KCNQ1: variants seen among roughly 807,000 people sequenced by gnomAD.
KCNQ1 encodes potassium voltage-gated channel subfamily KQT member 1.
In KCNQ1, 49 loss-of-function variants were observed where a neutral mutation model predicts 72.4. The observed-to-expected ratio is 0.68, with a 90% confidence interval of 0.54 to 0.86. The LOEUF (loss-of-function observed/expected upper bound fraction) is 0.86. Among genes scored for constraint, KCNQ1 ranks in the 40% least tolerant of loss-of-function variants. The probability of loss-of-function intolerance (pLI) is 0.00; values close to 1 mark genes in which losing one functional copy is unlikely to be tolerated. For synonymous variants in KCNQ1, 450 were observed against 412.6 expected (o/e 1.09, Z -1.10); for missense variants, 790 against 945.1 (o/e 0.84, Z 2.15).
At chr11:2,699,748 C>T (rs1469278410) in intron 11 of KCNQ1, 4 of 396,124 alleles carry the variant, frequency 1.0e-5, no homozygotes, top group Non-Finnish European at 4.4e-6. Flanking sequence ...CGAGGAGCCC[C>T]CAGAAGAGCG....
At position 2,735,148 on chromosome 11, in the gene KCNQ1, C is replaced by T. The variant is rs1243019014; in HGVS notation, c.1515-33696C>T. On this transcript the variant is annotated intron_variant, in intron 11 of 15. Transcript: ENST00000155840. This position sits in a 1 kb window ranked among gnomAD's most constrained non-coding sequence, Gnocchi z 7.7. ...TAAAACGTGTGAAACCTGACAGCAG[C>T]GCCGCAGCAGGACAGGGAGGGACTG... is the stretch of plus-strand genomic sequence containing the variant. Among the ~76,000 whole-genome samples, 10 of 152,134 alleles carry T rather than the reference C, an allele frequency of 6.6e-5. No homozygotes were observed. The highest frequency in any genetic ancestry group is 9.7e-5 in the African/African-American group (4 of 41,418).
At position 2,676,389 on chromosome 11, in the gene KCNQ1, G is replaced by A. The variant is rs1401342483; in HGVS notation, c.1514+14308G>A. 2 of 398,540 alleles carry A rather than the reference G, an allele frequency of 5.0e-6. No homozygotes were observed. Among genetic ancestry groups the A allele is most frequent in the African/African-American group, 4.1e-5 (2 of 48,642 alleles). The allele number at this position is 398,540 out of a possible 1,614,324, so 24.7% of individuals were successfully genotyped here. ...TATAATTGGAAGGAGCATAGTCTCT[G>A]TGTTCAGCTAGAGATTTAGCCCAAT... On this transcript the variant is annotated intron_variant, in intron 11 of 15. Coordinates refer to ENST00000155840, the MANE Select transcript of KCNQ1 (RefSeq NM_000218.3). This position sits in a 1 kb window ranked among gnomAD's most constrained non-coding sequence, Gnocchi z 4.2.
At chr11:2,587,366 T>C (rs535209582) in intron 8 of KCNQ1, among the ~76,000 whole-genome samples, 71 of 152,306 alleles carry the variant, frequency 4.7e-4, no homozygotes, top group Non-Finnish European at 9.4e-4. Context: ...AGCTGCCTGG[T>C]GCAGCAAGGG....
rs533650374 is a variant in KCNQ1, at chr11:2,776,566, A to G, written c.1686-420A>G. Reference sequence around the variant, plus strand: ...AATGTGTTCCCATGGAGCTAGCACCATCCTCCCGGGCCTGCACAGACTCAG... The same window carrying G: ...AATGTGTTCCCATGGAGCTAGCACCGTCCTCCCGGGCCTGCACAGACTCAG... On this transcript the variant is annotated intron_variant, in intron 13 of 15. Transcript: ENST00000155840. Among the ~76,000 whole-genome samples, 11 of 152,240 alleles carry G rather than the reference A, an allele frequency of 7.2e-5. 1 individual carries two copies. The East Asian group carries it at 1.7e-3, about 24-fold the overall frequency.
chr11:2,685,515 C>T (rs542013800), intron 11 of KCNQ1: 6 of 398,752 alleles, frequency 1.5e-5, no homozygotes, highest in East Asian at 1.1e-4. Context: ...AGACAGGAGA[C>T]GCTAGTCCTA....
At chr11:2,700,042 T>A in intron 11 of KCNQ1, 1 of 398,086 alleles carries the variant, frequency 2.5e-6, no homozygotes, top group Admixed American at 4.4e-5. Flanking sequence ...GCTGCCGACG[T>A]GGCGACCGCC....
At chr11:2,586,439 G>T (rs766079605) in intron 8 of KCNQ1, among the ~76,000 whole-genome samples, 1 of 152,220 alleles carries the variant, frequency 6.6e-6, no homozygotes, top group Admixed American at 6.5e-5. Context: ...CCCAGCATGA[G>T]CATGCTGGCC....
At chr11:2,743,092 T>A (rs904194176) in intron 11 of KCNQ1, among the ~76,000 whole-genome samples, 8 of 152,200 alleles carry the variant, frequency 5.3e-5, no homozygotes, top group Admixed American at 2.6e-4. Context: ...CAGGCTTTGA[T>A]GAACATTAGA....
Position 2,711,084 on chromosome 11 carries a change from A to G in KCNQ1, c.1514+49003A>G, listed in dbSNP as rs1564867488. Among the ~76,000 whole-genome samples, 1 of 152,226 alleles carries G rather than the reference A, an allele frequency of 6.6e-6. No individual in the cohort carries two copies. Among genetic ancestry groups the G allele is most frequent in the African/African-American group, 2.4e-5 (1 of 41,456 alleles). On this transcript the variant is annotated intron_variant, in intron 11 of 15. Transcript: ENST00000155840. This position sits in a 1 kb window ranked among gnomAD's most constrained non-coding sequence, Gnocchi z 5.4. ...CTTGGGGAGTATTGCCATCTTAACA[A>G]TGTGTTAAGTCTTCCAATCCAAGAG...
At chr11:2,798,497 A>G (rs1449833761) in intron 15 of KCNQ1, among the ~76,000 whole-genome samples, 1 of 152,098 alleles carries the variant, frequency 6.6e-6, no homozygotes, top group Non-Finnish European at 1.5e-5. Flanking sequence ...CAGCAGCAGC[A>G]GACGTTTTTA....
At chr11:2,789,460 C>T (rs993628609) in intron 15 of KCNQ1, among the ~76,000 whole-genome samples, 3 of 152,198 alleles carry the variant, frequency 2.0e-5, no homozygotes, top group African/African-American at 4.8e-5. Flanking sequence ...TGAGACACCT[C>T]GACGCCGCAG....
chr11:2,496,354 G>A (rs1325293080), intron 1 of KCNQ1, among the ~76,000 whole-genome samples: 3 of 151,850 alleles, frequency 2.0e-5, no homozygotes, highest in Admixed American at 6.6e-5. Flanking sequence ...GGAGAATGGC[G>A]TGAACCCGGG....
In KCNQ1 at chr11:2,478,547, G is replaced by C. The variant is rs1051406821; in HGVS notation, c.386+33063G>C. ...TCCCCTTATAAAACCATCAGATCTC[G>C]TGAGACTTATTCATTACCATGAGAA... On this transcript the variant is annotated intron_variant, in intron 1 of 15. Coordinates refer to ENST00000155840, the MANE Select transcript of KCNQ1 (RefSeq NM_000218.3). This position sits in a 1 kb window ranked among gnomAD's most constrained non-coding sequence, Gnocchi z 4.0. Among the ~76,000 whole-genome samples the C allele has an allele frequency of 3.3e-5, 5 of 152,088 alleles. No individual in the cohort carries two copies. Among genetic ancestry groups the C allele is most frequent in the Admixed American group, 2.6e-4 (4 of 15,286 alleles).
In KCNQ1 at chr11:2,769,582, C is replaced by T. The variant is rs1846556932; in HGVS notation, c.1590+663C>T. 6.6e-6 allele frequency among the ~76,000 whole-genome samples: 1 copy of T among 152,244 alleles called. No homozygotes were observed. The highest frequency in any genetic ancestry group is 2.4e-5 in the African/African-American group (1 of 41,468). ...TGCCATTGATGGCAGGCATGTCTCC[C>T]CTCCTGCCTTGGGGACATTCCTCGG... is the stretch of plus-strand genomic sequence containing the variant. On this transcript the variant is annotated intron_variant, in intron 12 of 15. Transcript: ENST00000155840. The surrounding 1 kb of genome is among the most constrained non-coding windows in gnomAD (Gnocchi z 4.6).
intron 10 of KCNQ1, chr11:2,650,560 G>T (rs1331746004): frequency 7.5e-6 from 3 of 398,556 alleles, no homozygotes; most frequent in Non-Finnish European, 1.3e-5. Flanking sequence ...GGCTTAGGCT[G>T]CTTGGTGCTT....
chr11:2,755,985 C>T (rs1173106237), intron 11 of KCNQ1, among the ~76,000 whole-genome samples: 4 of 152,172 alleles, frequency 2.6e-5, no homozygotes, highest in Admixed American at 2.6e-4. Flanking sequence ...TTTACAGAAA[C>T]CATTTACACC....
At chr11:2,755,303 T>C (rs1354848763) in intron 11 of KCNQ1, among the ~76,000 whole-genome samples, 1 of 152,150 alleles carries the variant, frequency 6.6e-6, no homozygotes, top group East Asian at 1.9e-4. Context: ...CGGGTTGGAG[T>C]GCACTGGCGC....
At chr11:2,591,968 G>T (rs1848676250) in intron 10 of KCNQ1, among the ~76,000 whole-genome samples, 1 of 152,364 alleles carries the variant, frequency 6.6e-6, no homozygotes, top group Non-Finnish European at 1.5e-5. Context: ...CAGGGCAGAT[G>T]CCACTCCTGG....
chr11:2,569,688 C>T (rs1471933964), intron 2 of KCNQ1, among the ~76,000 whole-genome samples: 2 of 152,224 alleles, frequency 1.3e-5, no homozygotes, highest in African/African-American at 2.4e-5. Context: ...GCTGCCTGGG[C>T]GCTGGGCTCC....
Sources: allele counts gnomAD v4.1 joint callset (sites outside exome capture counted in the v4.1 genomes callset), GRCh38; gene constraint gnomAD v4.1.1; non-coding constraint Gnocchi (gnomAD v3.1); transcripts MANE v1.5; gene names NCBI Gene and HGNC (gene_info 2026-07-23, HGNC 2026-07-21).